Variants in ACTA2 observed in about 807,000 individuals in gnomAD.
The protein encoded by ACTA2 is actin alpha 2, smooth muscle.
Under a neutral mutation model 39.5 loss-of-function variants are expected in ACTA2, and 12 were observed. The observed-to-expected ratio is 0.30, with a 90% CI of 0.19 to 0.49. The LOEUF is 0.49. Among genes scored for constraint, ACTA2 ranks in the 20% least tolerant of loss-of-function variants. The pLI is 0.99. For synonymous variants in ACTA2, 158 were observed against 180.6 expected, an observed-to-expected ratio of 0.88 and a Z score of 1.00; for missense variants, 236 against 498.8, an observed-to-expected ratio of 0.47 and a Z score of 5.02.
rs1845719967 is a variant in ACTA2 at position 88,935,531 on chromosome 10, T to C, written c.991-165A>G. 5.5e-6 allele frequency: 4 copies of C among 732,606 alleles called. No individual in the cohort carries two copies. In the South Asian group the frequency reaches 6.4e-5, roughly 12 times the overall value. 45.4% of individuals were successfully genotyped at this position (732,606 alleles called of 1,614,324 possible). ...TTGTGTCCTAATTGTGTCATGTTCT[T>C]GGCAGGACCGCCAGAGGGAGCCATG... is the stretch of plus-strand genomic sequence containing the variant. On this transcript the variant is annotated intron_variant, in intron 8 of 8. Transcript: ENST00000224784.
At chr10:88,947,199 A>G in intron 3 of ACTA2, 59 bp downstream of exon 3, 3 of 1,604,974 alleles carry the variant, frequency 1.9e-6, no homozygotes, top group Middle Eastern at 1.7e-4. Flanking sequence ...GGTGTTCTGT[A>G]TCAGAGAACA....
At chr10:88,981,067 C>T (rs950842284) in intron 1 of ACTA2, among the ~76,000 whole-genome samples, 1 of 152,098 alleles carries the variant, frequency 6.6e-6, no homozygotes, top group African/African-American at 2.4e-5. Context: ...ATGGGGAGGC[C>T]AACTGCGAGG....
At chr10:88,962,923 A>G (rs1846252502) in intron 1 of ACTA2, among the ~76,000 whole-genome samples, 1 of 2,006 alleles carries the variant, frequency 5.0e-4, no homozygotes, top group East Asian at 0.013. Context: ...ATATATATAT[A>G]TATATATATA....
At chr10:88,979,037 T>C (rs1846643750) in intron 1 of ACTA2, among the ~76,000 whole-genome samples, 1 of 152,092 alleles carries the variant, frequency 6.6e-6, no homozygotes, top group Admixed American at 6.6e-5. Flanking sequence ...AATATTTGTT[T>C]TATAAATCAG....
intron 8 of ACTA2, chr10:88,935,678 A>C: frequency 2.8e-6 from 1 of 353,460 alleles, no homozygotes; most frequent in South Asian, 2.4e-5. Flanking sequence ...GAACCCTGGC[A>C]ATGCCTCTGA....
chr10:88,938,562 C>T (rs1845789372), intron 7 of ACTA2: 1 of 345,922 alleles, frequency 2.9e-6, no homozygotes, highest in South Asian at 2.7e-5. Flanking sequence ...GCAAAGCTTC[C>T]ACGCTGAGCC....
At chr10:88,978,479 A>G (rs1205831231) in intron 1 of ACTA2, among the ~76,000 whole-genome samples, 1 of 152,242 alleles carries the variant, frequency 6.6e-6, no homozygotes, top group Non-Finnish European at 1.5e-5. Flanking sequence ...AAGTTGAGAA[A>G]ACATAACTGT....
intron 1 of ACTA2, among the ~76,000 whole-genome samples, chr10:88,950,439 A>T (rs879386857): frequency 3.9e-5 from 6 of 152,250 alleles, no homozygotes; most frequent in Non-Finnish European, 7.3e-5. Context: ...AAACATTCCC[A>T]CAAAATCAAA....
upstream of ACTA2, among the ~76,000 whole-genome samples, chr10:88,955,521 G>A (rs559321965): frequency 3.9e-5 from 6 of 152,210 alleles, no homozygotes; most frequent in Non-Finnish European, 5.9e-5. Flanking sequence ...TGGAGTCTAC[G>A]CTGGCACAAT....
At chr10:88,941,988 C>A in intron 4 of ACTA2, 119 bp from the exon 5 acceptor site, 1 of 880,506 alleles carries the variant, frequency 1.1e-6, no homozygotes, top group Non-Finnish European at 1.8e-6. Flanking sequence ...CAGAGGAGGC[C>A]AAAGTAAGGA....
At chr10:88,939,891 C>T (rs1845816590) in intron 6 of ACTA2, 193 bp from the exon 7 acceptor site, 4 of 636,436 alleles carry the variant, frequency 6.3e-6, no homozygotes, top group East Asian at 2.8e-5. Flanking sequence ...GTTCCTAGGA[C>T]AGTGTCTCAT....
chr10:88,975,909 G>C (rs537784308), intron 1 of ACTA2, among the ~76,000 whole-genome samples: 17 of 152,268 alleles, frequency 1.1e-4, no homozygotes, highest in Admixed American at 1.0e-3. Context: ...ACTATGCAGT[G>C]AGATTAATAG....
chr10:88,982,741 A>C (rs1268581605), intron 1 of ACTA2, among the ~76,000 whole-genome samples: 1 of 152,184 alleles, frequency 6.6e-6, no homozygotes, highest in East Asian at 1.9e-4. Context: ...AATTCAGCCT[A>C]AGCAGTGTAA....
chr10:88,979,641 TGA>T (rs1846660824), intron 1 of ACTA2, among the ~76,000 whole-genome samples: 1 of 151,992 alleles, frequency 6.6e-6, no homozygotes. Context: ...CTACATAACC[TGA>T]GAGATGGGGC....
At chr10:88,961,943 T>G (rs1187746437) in intron 1 of ACTA2, among the ~76,000 whole-genome samples, 1 of 152,196 alleles carries the variant, frequency 6.6e-6, no homozygotes, top group Admixed American at 6.5e-5. Context: ...TCTTAACTTC[T>G]TAACTTCTCT....
rs143005546 is a variant in ACTA2 at position 88,935,195 on chromosome 10, T to A, written c.*28A>T. On this transcript the variant is annotated 3_prime_UTR_variant, in exon 9 of 9. Coordinates refer to ENST00000224784, the MANE Select transcript of ACTA2 (RefSeq NM_001613.4). ...CCACAGGACATTCACAGTTGTGTGC[T>A]AGAGACAGAGAGGAGCAGGAAAGTG... The A allele has an allele frequency of 1.2e-4, 186 of 1,611,562 alleles. No homozygotes were observed. The African/African-American group carries it at 2.1e-3, about 18-fold the overall frequency.
At chr10:88,979,305 C>T (rs75384604) in intron 1 of ACTA2, among the ~76,000 whole-genome samples, 3 of 151,968 alleles carry the variant, frequency 2.0e-5, no homozygotes, top group East Asian at 1.9e-4. Context: ...CCGGCTCTGC[C>T]GCAGGGTGCC....
intron 4 of ACTA2, 68 bp downstream of exon 4, chr10:88,943,729 G>T: frequency 7.5e-7 from 1 of 1,337,626 alleles, no homozygotes; most frequent in Non-Finnish European, 1.1e-6. Flanking sequence ...CTGCTGTGCT[G>T]CATAGCCTCC....
intron 6 of ACTA2, chr10:88,940,010 T>A: frequency 2.5e-6 from 1 of 401,530 alleles, no homozygotes; most frequent in Non-Finnish European, 4.7e-6. Context: ...ATAACATTTT[T>A]TGGGGTGGGT....
Sources: allele counts gnomAD v4.1 joint callset (sites outside exome capture counted in the v4.1 genomes callset), GRCh38; gene constraint gnomAD v4.1.1; transcripts MANE v1.5; gene names NCBI Gene and HGNC (gene_info 2026-07-23, HGNC 2026-07-21).